Variants in MTRFR observed in about 807,000 individuals in gnomAD.
MTRFR encodes the protein probable peptide chain release factor C12orf65, mitochondrial.
A neutral mutation model predicts 11.9 loss-of-function variants in MTRFR; 10 were observed. The observed-to-expected ratio is 0.84, with a 90% CI of 0.52 to 1.42. The LOEUF (loss-of-function observed/expected upper bound fraction) is 1.42, where lower values mean the gene tolerates loss of function less well. Ranked by LOEUF, MTRFR falls within the 40% of genes most tolerant of loss-of-function variation. The pLI is 0.00. For synonymous variants in MTRFR, 77 were observed against 79.1 expected, an observed-to-expected ratio of 0.97 and a Z score of 0.14; for missense variants, 196 against 197.9, an observed-to-expected ratio of 0.99 and a Z score of 0.06.
intron 1 of MTRFR, chr12:123,250,081 C>A (rs930248618): frequency 2.0e-5 from 3 of 152,150 alleles, no homozygotes; most frequent in Non-Finnish European, 2.9e-5. Context: ...TTTTCTTATT[C>A]TTTTTTGTCT....
Position 123,256,955 on chromosome 12 carries a change from A to G in MTRFR, c.425A>G (p.Lys142Arg). ...REAAKKKQER[K>R]KRAKETLEKK... is the part of the protein sequence containing the mutation. The stretch of plus-strand genomic sequence containing the variant: ...GCGGCGAAGAAAAAACAAGAAAGGA[A>G]AAAAAGAGCAAAGGAAACCCTGGAA... Residue 142 changes from lysine to arginine, a missense_variant, in exon 3 of 3, where the codon AAA (lysine) becomes AGA (arginine). Coordinates refer to ENST00000253233, the MANE Select transcript of MTRFR (RefSeq NM_152269.5). 6.2e-7 allele frequency: 1 copy of G among 1,613,756 alleles called. No individual in the cohort carries two copies. The highest frequency in any genetic ancestry group is 8.5e-7 in the Non-Finnish European group (1 of 1,179,956).
chr12:123,243,165 G>A (rs2047969811), intron 1 of MTRFR, among the ~76,000 whole-genome samples: 1 of 151,990 alleles, frequency 6.6e-6, no homozygotes. Flanking sequence ...CACTTTCCTT[G>A]GCACACTCCA....
chr12:123,242,762 T>C (rs1351541902), intron 1 of MTRFR, among the ~76,000 whole-genome samples: 2 of 152,204 alleles, frequency 1.3e-5, no homozygotes, highest in African/African-American at 2.4e-5. Flanking sequence ...AAAAGCACTC[T>C]CATCTCCATC....
At chr12:123,234,104 T>C (rs781355290) in intron 1 of MTRFR, among the ~76,000 whole-genome samples, 3 of 152,084 alleles carry the variant, frequency 2.0e-5, no homozygotes, top group Admixed American at 6.5e-5. Flanking sequence ...GCCCTACTTT[T>C]GAAGGACCAA....
At chr12:123,255,186 A>G (rs1180491540) in intron 2 of MTRFR, among the ~76,000 whole-genome samples, 1 of 152,162 alleles carries the variant, frequency 6.6e-6, no homozygotes. Context: ...TCTGGGACAT[A>G]GAGAGGCTAA....
At chr12:123,240,751 T>TA (rs2047921819) in intron 1 of MTRFR, 1 of 64,022 alleles carries the variant, frequency 1.6e-5, no homozygotes, top group African/African-American at 3.9e-5. Context: ...TTTTTTTTTT[T>TA]GAGAAAAAGT....
intron 2 of MTRFR, chr12:123,254,834 C>CT (rs899840069): frequency 2.3e-4 from 35 of 151,890 alleles, no homozygotes; most frequent in African/African-American, 8.2e-4. Context: ...TACTCGGAGG[C>CT]TAAGGCAGGA....
chr12:123,246,709 A>ATTTTT lies in MTRFR; in HGVS notation c.-28-6903_-28-6899dup, dbSNP rs1157677577. ...TGAGAGAGTGCTTGATATAATTTCA[A>ATTTTT]TTTTTTTTTTTTTTTTTTTTTTTTT... On this transcript the variant is annotated intron_variant, in intron 1 of 2. Coordinates refer to ENST00000253233, the MANE Select transcript of MTRFR (RefSeq NM_152269.5). Among the ~76,000 whole-genome samples the ATTTTT allele has an allele frequency of 5.8e-4, 31 of 53,516 alleles. 9 individuals carry two copies. The highest frequency in any genetic ancestry group is 2.8e-3 in the African/African-American group (30 of 10,668). The allele number at this position is 53,516 out of a possible 152,430, so 35.1% of individuals were successfully genotyped here. A position where few individuals can be genotyped will look rare whatever the true frequency, so the allele number is the denominator to read the frequency against.
At chr12:123,252,177 T>C (rs1310520317) in intron 1 of MTRFR, 1 of 152,306 alleles carries the variant, frequency 6.6e-6, no homozygotes, top group African/African-American at 2.4e-5. Flanking sequence ...CTCACGCCTG[T>C]AATCCCAGAA....
intron 1 of MTRFR, among the ~76,000 whole-genome samples, chr12:123,239,329 C>T (rs1191145516): frequency 1.3e-5 from 2 of 152,152 alleles, no homozygotes; most frequent in Non-Finnish European, 2.9e-5. Flanking sequence ...GTTAAATATA[C>T]ATTTCATCAT....
intron 1 of MTRFR, among the ~76,000 whole-genome samples, chr12:123,234,627 C>T (rs903450084): frequency 6.6e-6 from 1 of 152,164 alleles, no homozygotes; most frequent in Non-Finnish European, 1.5e-5. Flanking sequence ...GAATTCCTGA[C>T]CTCAGGTCAT....
intron 1 of MTRFR, among the ~76,000 whole-genome samples, chr12:123,246,548 G>A (rs1168017019): frequency 6.6e-6 from 1 of 151,730 alleles, no homozygotes; most frequent in Non-Finnish European, 1.5e-5. Context: ...CCGCCTCCCA[G>A]GTTCAAGCAA....
At chr12:123,242,054 G>T (rs2047948334) in intron 1 of MTRFR, among the ~76,000 whole-genome samples, 1 of 152,096 alleles carries the variant, frequency 6.6e-6, no homozygotes, top group Non-Finnish European at 1.5e-5. Flanking sequence ...GACTCTTTAG[G>T]CTCTCTGAAG....
chr12:123,234,167 G>A (rs1174020600), intron 1 of MTRFR, among the ~76,000 whole-genome samples: 2 of 152,156 alleles, frequency 1.3e-5, no homozygotes, highest in African/African-American at 4.8e-5. Context: ...TGCGCACTGT[G>A]CAGGCCACAT....
intron 1 of MTRFR, among the ~76,000 whole-genome samples, chr12:123,244,930 A>ATTTTTTTTTTTTTTTT (rs544105176): frequency 3.1e-5 from 2 of 65,094 alleles, no homozygotes; most frequent in Admixed American, 1.8e-4. Flanking sequence ...CGCACCCGGC[A>ATTTTTTTTTTTTTTTT]TTTTTTTTTT....
At position 123,257,485 on chromosome 12, in the gene MTRFR, A is replaced by C. The variant is rs76029248; in HGVS notation, c.*454A>C. The C allele has an allele frequency of 0.047, 8,239 of 174,618 alleles. 359 individuals are homozygous for C. Among genetic ancestry groups the C allele is most frequent in the East Asian group, 0.25 (1,553 of 6,102 alleles). The allele number at this position is 174,618 out of a possible 1,614,324, so 10.8% of individuals were successfully genotyped here. ...GAGCTGAGATCGCGCCACTGCACTC[A>C]AGCCTGGGCAACACCTGGGTGACAG... On this transcript the variant is annotated 3_prime_UTR_variant, in exon 3 of 3. Transcript: ENST00000253233.
intron 1 of MTRFR, among the ~76,000 whole-genome samples, chr12:123,241,423 T>C (rs1336085058): frequency 6.6e-6 from 1 of 152,156 alleles, no homozygotes; most frequent in Non-Finnish European, 1.5e-5. Context: ...CTACAACCTC[T>C]GCCTCCCGGG....
intron 1 of MTRFR, chr12:123,251,302 C>T (rs186466655): frequency 6.6e-6 from 1 of 152,336 alleles, no homozygotes. Context: ...GTTCTTCCCC[C>T]ACCTGTGAAG....
chr12:123,237,332 A>G (rs2138742657), intron 1 of MTRFR, among the ~76,000 whole-genome samples: 1 of 152,298 alleles, frequency 6.6e-6, no homozygotes, highest in East Asian at 1.9e-4. Flanking sequence ...CAGGAGGCTG[A>G]GACAGGAGAA....
Sources: gnomAD v4.1 joint callset for allele counts (sites outside exome capture counted in the v4.1 genomes callset) on GRCh38, gnomAD v4.1.1 for gene constraint, MANE v1.5 for transcripts, NCBI Gene and HGNC (gene_info 2026-07-23, HGNC 2026-07-21) for gene names.